USP34: variants seen among roughly 807,000 people sequenced by gnomAD.
USP34 encodes ubiquitin carboxyl-terminal hydrolase 34.
Under a neutral mutation model 460.3 loss-of-function variants are expected in USP34, and 70 were observed. That is an observed-to-expected ratio of 0.15 (90% CI 0.13 to 0.19). The LOEUF is 0.19. Among genes scored for constraint, USP34 ranks in the 10% least tolerant of loss-of-function variants. The pLI, the probability that USP34 is intolerant of heterozygous loss-of-function variation, is 1.00. For missense variants in USP34, 3,985 were observed against 4,236.2 expected, an observed-to-expected ratio of 0.94 and a Z score of 1.65; for synonymous variants, 1,647 against 1,405.3, an observed-to-expected ratio of 1.17 and a Z score of -3.85.
At chr2:61,298,488 A>G (rs1214915269) in intron 29 of USP34, among the ~76,000 whole-genome samples, 5 of 136,262 alleles carry the variant, frequency 3.7e-5, no homozygotes, top group African/African-American at 1.1e-4. Flanking sequence ...CAGTGAGCCG[A>G]TAACTTGTCA....
chr2:61,350,016 TAA>T (rs149129768), intron 12 of USP34, among the ~76,000 whole-genome samples: 1 of 149,454 alleles, frequency 6.7e-6, no homozygotes, highest in African/African-American at 2.5e-5. Context: ...AGCTTTTGTT[TAA>T]AAAAAAAAGA....
At chr2:61,256,566 T>C (rs1688728930) in intron 47 of USP34, 88 bp from the exon 48 acceptor site, 1 of 1,088,502 alleles carries the variant, frequency 9.2e-7, no homozygotes, top group Non-Finnish European at 1.3e-6. Flanking sequence ...TTTGACAGAA[T>C]GCTCAGCAAA....
intron 10 of USP34, among the ~76,000 whole-genome samples, chr2:61,351,530 T>C (rs970372403): frequency 5.9e-5 from 9 of 152,062 alleles, no homozygotes; most frequent in African/African-American, 9.7e-5. Context: ...AAACAGAAGA[T>C]TAGACAAGTA....
At chr2:61,358,219 A>AATAAATAAATAAATAC (rs1692164647) in intron 10 of USP34, among the ~76,000 whole-genome samples, 1 of 151,742 alleles carries the variant, frequency 6.6e-6, no homozygotes, top group South Asian at 2.1e-4. Flanking sequence ...TAAATAAATA[A>AATAAATAAATAAATAC]ATAAGAATGT....
At chr2:61,417,446 G>T in intron 2 of USP34, 1 of 356,648 alleles carries the variant, frequency 2.8e-6, no homozygotes, top group Non-Finnish European at 5.4e-6. Flanking sequence ...TAAAAATGAT[G>T]ACACAGATAA....
intron 61 of USP34, among the ~76,000 whole-genome samples, 188 bp from the exon 62 acceptor site, chr2:61,227,406 C>T (rs1687757411): frequency 6.6e-6 from 1 of 152,090 alleles, no homozygotes; most frequent in African/African-American, 2.4e-5. Flanking sequence ...GATTAAACTG[C>T]CAGAACTGTA....
chr2:61,395,881 C>A (rs1352756888), intron 3 of USP34, among the ~76,000 whole-genome samples: 1 of 148,424 alleles, frequency 6.7e-6, no homozygotes, highest in African/African-American at 2.5e-5. Context: ...GCCTGACCAA[C>A]ATGGTAAAAC....
chr2:61,469,898 T>C (rs2104132936), intron 1 of USP34, among the ~76,000 whole-genome samples: 1 of 152,312 alleles, frequency 6.6e-6, no homozygotes, highest in African/African-American at 2.4e-5. Context: ...AACGTACCCT[T>C]TTTAATAATA....
intron 18 of USP34, among the ~76,000 whole-genome samples, chr2:61,335,190 A>C (rs915122296): frequency 6.6e-6 from 1 of 152,232 alleles, no homozygotes; most frequent in African/African-American, 2.4e-5. Context: ...AACTTTACAA[A>C]ATCAAATATA....
intron 2 of USP34, among the ~76,000 whole-genome samples, chr2:61,407,561 T>G (rs997645809): frequency 2.0e-5 from 3 of 152,230 alleles, no homozygotes. Flanking sequence ...GGAAATAATC[T>G]TATTTCTCCA....
chr2:61,252,389 TAGCAGCAGC>T (rs3980947), intron 48 of USP34, among the ~76,000 whole-genome samples: 37,715 of 151,584 alleles, frequency 0.25, 4,695 homozygotes, highest in East Asian at 0.36. Context: ...ACAGTAACAA[TAGCAGCAGC>T]AGCAGCAGCA....
chr2:61,304,434 T>C (rs1169687263), intron 27 of USP34, among the ~76,000 whole-genome samples: 2 of 152,194 alleles, frequency 1.3e-5, no homozygotes, highest in Non-Finnish European at 2.9e-5. Flanking sequence ...GGTTTGAATA[T>C]AAGTGTTCCC....
chr2:61,437,835 A>C (rs1694860837), intron 1 of USP34, among the ~76,000 whole-genome samples: 1 of 147,144 alleles, frequency 6.8e-6, no homozygotes, highest in Non-Finnish European at 1.5e-5. Flanking sequence ...AACAGACCAA[A>C]AACAAGTAAT....
intron 41 of USP34, among the ~76,000 whole-genome samples, chr2:61,275,765 G>T (rs1355437629): frequency 6.6e-6 from 1 of 152,168 alleles, no homozygotes; most frequent in Admixed American, 6.5e-5. Context: ...CAAGTGAAGA[G>T]TAAGTGACTC....
intron 27 of USP34, 111 bp downstream of exon 27, chr2:61,311,429 G>C (rs1016196264): frequency 2.1e-6 from 2 of 973,136 alleles, no homozygotes; most frequent in Admixed American, 4.8e-5. Context: ...ATATAACCAA[G>C]AAAGAAAAGA....
intron 66 of USP34, 86 bp from the exon 67 acceptor site, chr2:61,220,543 C>G: frequency 8.0e-7 from 1 of 1,242,576 alleles, no homozygotes; most frequent in Non-Finnish European, 1.1e-6. Flanking sequence ...CTATTAGACA[C>G]AAAGCTAAAG....
At chr2:61,395,643 G>A (rs974082832) in intron 3 of USP34, among the ~76,000 whole-genome samples, 12 of 148,936 alleles carry the variant, frequency 8.1e-5, no homozygotes, top group South Asian at 2.1e-4. Context: ...AAAATTAGCC[G>A]GGCGCAGTGG....
Position 61,339,391 on chromosome 2 carries a change from T to C in USP34, c.2704A>G (p.Arg902Gly). The change falls in exon 18 of 80, where the codon AGA (arginine) becomes GGA (glycine). Residue 902 changes from arginine (R) to glycine (G), a missense_variant. Arg to Gly is a moderately radical substitution (Grantham distance 125). Around this residue, in one of 14 missense-constraint regions of USP34, gnomAD observed 46 missense variants for 83.1 expected, o/e 0.55. Transcript: ENST00000398571. ...CWFTDRQIRMRFIEGCLENLG... is the reference protein window; with the variant it reads ...CWFTDRQIRMGFIEGCLENLG... Reference sequence around the variant, plus strand: ...TTTTCAAGGCAACCTTCAATGAATCTCATTCGAATTTGTCTATCTGTAAAC... The same window carrying C: ...TTTTCAAGGCAACCTTCAATGAATCCCATTCGAATTTGTCTATCTGTAAAC... The C allele has an allele frequency of 1.9e-6, 3 of 1,609,448 alleles. No individual in the cohort carries two copies. Among genetic ancestry groups the C allele is most frequent in the Non-Finnish European group, 2.5e-6 (3 of 1,178,242 alleles).
At chr2:61,302,230 A>G (rs1015620424) in intron 27 of USP34, among the ~76,000 whole-genome samples, 4 of 152,264 alleles carry the variant, frequency 2.6e-5, no homozygotes, top group African/African-American at 9.6e-5. Context: ...TTCAATATAG[A>G]AAAACTCCAC....
Sources: gnomAD v4.1 joint callset for allele counts (sites outside exome capture counted in the v4.1 genomes callset) on GRCh38, gnomAD v4.1.1 for gene constraint, gnomAD v4.1.1 regional missense constraint, MANE v1.5 for transcripts, NCBI Gene and HGNC (gene_info 2026-07-23, HGNC 2026-07-21) for gene names.